Variants in ANKRD30B observed in about 807,000 individuals in gnomAD.
ANKRD30B encodes ankyrin repeat domain 30B.
ANKRD30B carries 144 observed loss-of-function variants against 202.2 expected under a neutral mutation model. The observed-to-expected ratio is 0.71, with a 90% CI of 0.62 to 0.82. The LOEUF (loss-of-function observed/expected upper bound fraction) is 0.82, where lower values mean the gene tolerates loss of function less well. Ranked by LOEUF, ANKRD30B falls within the 40% of genes least tolerant of loss-of-function variation. The pLI, the probability that ANKRD30B is intolerant of heterozygous loss-of-function variation, is 0.00. For synonymous variants in ANKRD30B, 508 were observed against 561.3 expected, an observed-to-expected ratio of 0.91 and a Z score of 1.34; for missense variants, 1,487 against 1,669.1, an observed-to-expected ratio of 0.89 and a Z score of 1.90.
At chr18:14,855,661 C>A (rs1972068642), downstream of ANKRD30B, among the ~76,000 whole-genome samples, 1 of 150,110 alleles carries the variant, frequency 6.7e-6, no homozygotes, top group Non-Finnish European at 1.5e-5. Context: ...CCTCACATCC[C>A]AGACGATGGG....
chr18:14,753,085 T>G, intron 3 of ANKRD30B, 73 bp downstream of exon 3: 1 of 1,223,934 alleles, frequency 8.2e-7, no homozygotes, highest in Non-Finnish European at 1.1e-6. Flanking sequence ...TGTAAGGCTT[T>G]TATATTTGGA....
the ANKRD30B span, chr18:14,883,435 A>C: frequency 1.8e-4 from 21 of 118,880 alleles, no homozygotes; most frequent in South Asian, 2.8e-4. Context: ...ATCTATATAT[A>C]TCTCCTGTTC....
At chr18:14,926,797 C>T in the ANKRD30B span, among the ~76,000 whole-genome samples, 8 of 151,920 alleles carry the variant, frequency 5.3e-5, no homozygotes, top group East Asian at 1.9e-4. Flanking sequence ...GGTAGTGGCG[C>T]GAGCCTATAG....
intron 6 of ANKRD30B, among the ~76,000 whole-genome samples, chr18:14,762,790 A>G (rs1297773249): frequency 6.6e-6 from 1 of 152,214 alleles, no homozygotes; most frequent in African/African-American, 2.4e-5. Context: ...TATGAACTGT[A>G]TGAGCACATC....
chr18:14,799,008 T>G, intron 20 of ANKRD30B, 93 bp from the exon 21 acceptor site: 7 of 1,247,772 alleles, frequency 5.6e-6, no homozygotes, highest in Non-Finnish European at 7.0e-6. Context: ...CCAAGCATCA[T>G]GAGGATTCGT....
chr18:14,787,215 T>C, intron 15 of ANKRD30B, 115 bp downstream of exon 15: 3 of 929,172 alleles, frequency 3.2e-6, no homozygotes, highest in Non-Finnish European at 4.7e-6. Flanking sequence ...AAATTATTTT[T>C]TGATATTTTT....
At chr18:14,895,999 A>T in the ANKRD30B span, among the ~76,000 whole-genome samples, 18 of 152,206 alleles carry the variant, frequency 1.2e-4, no homozygotes, top group Admixed American at 1.2e-3. Context: ...CAAAGCGTGG[A>T]CCTTAGTATA....
At chr18:14,860,356 G>A in the ANKRD30B span, among the ~76,000 whole-genome samples, 149 of 60,146 alleles carry the variant, frequency 2.5e-3, 1 homozygote, top group African/African-American at 7.4e-3. Context: ...CAGGGCTGCC[G>A]GGCAGAGGCG....
rs1355604032 is a variant in ANKRD30B, at chr18:14,799,227, C to G, written c.2063C>G (p.Thr688Ser). ...SPDNDGLLKP[T>S]CGRKVSLPNK... is the part of the protein sequence containing the mutation. ...TGTGTTTCCAAACCCATTTAGCCTA[C>G]CTGTGGAAGGAAAGTTTCTCTTCCA... is the stretch of plus-strand genomic sequence containing the variant. The change falls in exon 22 of 44, where the codon ACC becomes AGC. Residue 688 changes from threonine (T) to serine (S), a missense_variant. Around this residue, in one of 6 missense-constraint regions of ANKRD30B, gnomAD observed 889 missense variants for 841.4 expected, o/e 1.06. Coordinates refer to ENST00000690538, the MANE Select transcript of ANKRD30B (RefSeq NM_001367607.2). 6.4e-7 allele frequency: 1 copy of G among 1,572,856 alleles called. No homozygotes were observed. Among genetic ancestry groups the G allele is most frequent in the South Asian group, 1.2e-5 (1 of 86,436 alleles).
At chr18:14,796,112 C>A in intron 16 of ANKRD30B, 109 bp from the exon 17 acceptor site, 1 of 1,231,202 alleles carries the variant, frequency 8.1e-7, no homozygotes. Context: ...AGTGTAATCC[C>A]TTTTCAATCC....
chr18:14,798,614 A>T (rs558170831), intron 20 of ANKRD30B, among the ~76,000 whole-genome samples: 1 of 152,296 alleles, frequency 6.6e-6, no homozygotes, highest in South Asian at 2.1e-4. Context: ...GAGGGCGTTC[A>T]TAGCACTATC....
At chr18:14,847,141 T>A (rs1262547340) in intron 39 of ANKRD30B, among the ~76,000 whole-genome samples, 1 of 148,928 alleles carries the variant, frequency 6.7e-6, no homozygotes, top group African/African-American at 2.5e-5. Flanking sequence ...TCTTCATGAT[T>A]TAGTCATATC....
At chr18:14,901,898 T>C in the ANKRD30B span, among the ~76,000 whole-genome samples, 3 of 152,202 alleles carry the variant, frequency 2.0e-5, no homozygotes, top group East Asian at 1.9e-4. Context: ...ATGGTTCTCC[T>C]ACAAGGTGCA....
chr18:14,820,541 A>T (rs1970361919), intron 30 of ANKRD30B, among the ~76,000 whole-genome samples: 1 of 152,184 alleles, frequency 6.6e-6, no homozygotes, highest in South Asian at 2.1e-4. Context: ...CATCCCATCA[A>T]TACCTAATTT....
chr18:14,847,050 TTATATATATATATATATATATA>T (rs56871571), intron 39 of ANKRD30B, among the ~76,000 whole-genome samples: 5 of 111,110 alleles, frequency 4.5e-5, no homozygotes, highest in Non-Finnish European at 9.3e-5. Flanking sequence ...TGATTTAGTT[TTATATATATATATATATATATA>T]TATATATATA....
chr18:14,760,396 A>C (rs1408791443), intron 5 of ANKRD30B, among the ~76,000 whole-genome samples, 158 bp from the exon 6 acceptor site: 3 of 152,226 alleles, frequency 2.0e-5, no homozygotes, highest in Admixed American at 1.3e-4. Context: ...AAGCTTAATA[A>C]GTTCATAGAG....
At chr18:14,832,106 G>C (rs1970977365) in intron 34 of ANKRD30B, among the ~76,000 whole-genome samples, 1 of 152,184 alleles carries the variant, frequency 6.6e-6, no homozygotes, top group African/African-American at 2.4e-5. Flanking sequence ...GTGCATGCCT[G>C]TAGTTCCAGC....
In ANKRD30B at chr18:14,754,900, C is replaced by T; in HGVS notation, c.512C>T (p.Ala171Val). ...ATATATTGTTCTGCTATTTTACAGG[C>T]TAGCCTCACACCCCTTTTACTGGCC... ...YGAVIEVQNK[A>V]SLTPLLLAIQ... Residue 171 changes from alanine to valine, a missense_variant and splice_region_variant, in exon 4 of 44, where the codon GCT becomes GTT. Ala to Val is a moderately conservative substitution (Grantham distance 64). This residue lies in a region of ANKRD30B where 889 missense variants were observed against 841.4 expected (regional missense o/e 1.06). Coordinates refer to ENST00000690538, the MANE Select transcript of ANKRD30B (RefSeq NM_001367607.2). 6.6e-7 allele frequency: 1 copy of T among 1,524,460 alleles called. No homozygotes were observed. The highest frequency in any genetic ancestry group is 1.3e-5 in the South Asian group (1 of 78,236). The allele number at this position is 1,524,460 out of a possible 1,614,324, so 94.4% of individuals were successfully genotyped here.
At chr18:14,754,045 T>A (rs1471093566) in intron 3 of ANKRD30B, among the ~76,000 whole-genome samples, 1 of 152,198 alleles carries the variant, frequency 6.6e-6, no homozygotes, top group East Asian at 1.9e-4. Context: ...ACTTTTATAC[T>A]GAATTTCTAA....
Sources: allele counts gnomAD v4.1 joint callset (sites outside exome capture counted in the v4.1 genomes callset), GRCh38; gene constraint gnomAD v4.1.1; regional missense constraint gnomAD v4.1.1; transcripts MANE v1.5; gene names NCBI Gene and HGNC (gene_info 2026-07-23, HGNC 2026-07-21).